GLRA3: variants seen among roughly 807,000 people sequenced by gnomAD.
GLRA3 encodes glycine receptor subunit alpha-3.
A neutral mutation model predicts 60.4 loss-of-function variants in GLRA3; 44 were observed. The observed-to-expected ratio is 0.73, with a 90% CI of 0.57 to 0.94. The LOEUF is 0.94. Among genes scored for constraint, GLRA3 ranks in the 40% least tolerant of loss-of-function variants. The pLI, the probability that GLRA3 is intolerant of heterozygous loss-of-function variation, is 0.00. For synonymous variants in GLRA3, 223 were observed against 192.9 expected (o/e 1.16, Z -1.29); for missense variants, 508 against 564.6 (o/e 0.90, Z 1.02).
intron 2 of GLRA3, among the ~76,000 whole-genome samples, chr4:174,774,362 G>A (rs186506079): frequency 7.0e-4 from 98 of 139,174 alleles, no homozygotes; most frequent in African/African-American, 2.3e-3. Context: ...ATGTGTGTGT[G>A]TATGTGTGTG....
At chr4:174,805,543 C>T (rs1740011607) in intron 1 of GLRA3, among the ~76,000 whole-genome samples, 1 of 152,084 alleles carries the variant, frequency 6.6e-6, no homozygotes, top group African/African-American at 2.4e-5. Flanking sequence ...CTATTTCAGT[C>T]AAGACTTCCT....
intron 7 of GLRA3, among the ~76,000 whole-genome samples, chr4:174,671,613 T>C (rs967389888): frequency 6.7e-6 from 1 of 150,064 alleles, no homozygotes; most frequent in Non-Finnish European, 1.5e-5. Flanking sequence ...GAATGAAAAC[T>C]TAATATAATA....
chr4:174,774,303 T>C (rs1322094088), intron 2 of GLRA3, among the ~76,000 whole-genome samples: 1 of 152,160 alleles, frequency 6.6e-6, no homozygotes, highest in Non-Finnish European at 1.5e-5. Flanking sequence ...TGTGAATTCA[T>C]GGTTTTCAAT....
At chr4:174,731,244 A>G (rs1023950907) in intron 3 of GLRA3, among the ~76,000 whole-genome samples, 1 of 152,176 alleles carries the variant, frequency 6.6e-6, no homozygotes, top group Non-Finnish European at 1.5e-5. Context: ...TTTAAGGCTG[A>G]TTCTTCATAG....
rs1374075281 is a variant in GLRA3, at chr4:174,764,637, A to G, written c.267+2326T>C. Among the ~76,000 whole-genome samples the G allele has an allele frequency of 3.9e-5, 6 of 152,146 alleles. No homozygotes were observed. In the East Asian group the frequency reaches 1.2e-3, roughly 29 times the overall value. ...TAAAAAATACATTAACACATATATT[A>G]GCATTTTTACTGAATTAAAAAAATA... On this transcript the variant is annotated intron_variant, in intron 3 of 9. Transcript: ENST00000274093.
At position 174,780,872 on chromosome 4, in the gene GLRA3, T is replaced by A. The variant is rs537081601; in HGVS notation, c.199+7944A>T. Among the ~76,000 whole-genome samples the A allele has an allele frequency of 2.7e-4, 41 of 152,178 alleles. 1 individual carries two copies. The South Asian group carries it at 5.0e-3, about 19-fold the overall frequency. On this transcript the variant is annotated intron_variant, in intron 2 of 9. Coordinates refer to ENST00000274093, the MANE Select transcript of GLRA3 (RefSeq NM_006529.4). ...ACCCACACAATAATGATGGGAGACT[T>A]TAACACCCCACTGTCAACATTAGAC...
rs373152614 is a variant in GLRA3, at chr4:174,638,106, AT to A, written c.*5679del. Reference sequence around the variant, plus strand: ...TTTAGGAAGTAAAAGTCATTTCTTGATGAAGATTAACATTTTTATCATCTAG... The same window carrying A: ...TTTAGGAAGTAAAAGTCATTTCTTGAGAAGATTAACATTTTTATCATCTAG... On this transcript the variant is annotated 3_prime_UTR_variant, in exon 10 of 10. Coordinates refer to ENST00000274093, the MANE Select transcript of GLRA3 (RefSeq NM_006529.4). 5.9e-5 allele frequency: 9 copies of A among 151,782 alleles called. No homozygotes were observed. In the East Asian group the frequency reaches 1.2e-3, roughly 20 times the overall value. 9.4% of individuals were successfully genotyped at this position (151,782 alleles called of 1,614,324 possible).
At chr4:174,658,106 T>C (rs1733283624) in intron 8 of GLRA3, among the ~76,000 whole-genome samples, 1 of 152,312 alleles carries the variant, frequency 6.6e-6, no homozygotes, top group Non-Finnish European at 1.5e-5. Context: ...TTGAAACCTT[T>C]AAATACTTAA....
rs1444416077 is a variant in GLRA3, at chr4:174,639,481, A to T, written c.*4305T>A. 1 of 151,922 alleles carries T rather than the reference A, an allele frequency of 6.6e-6. No individual in the cohort carries two copies. The highest frequency in any genetic ancestry group is 1.5e-5 in the Non-Finnish European group (1 of 67,968). The allele number at this position is 151,922 out of a possible 1,614,324, so 9.4% of individuals were successfully genotyped here. A position where few individuals can be genotyped will look rare whatever the true frequency, so the allele number is the denominator to read the frequency against. On this transcript the variant is annotated 3_prime_UTR_variant, in exon 10 of 10. Transcript: ENST00000274093. ...AAGATGTAAAATGTAGACCAAAAAA[A>T]CAGGTAAGTGGGTCCTAGCTACTAA...
chr4:174,718,175 C>T lies in GLRA3; in HGVS notation c.492-2605G>A, dbSNP rs115279834. On this transcript the variant is annotated intron_variant, in intron 4 of 9. Coordinates refer to ENST00000274093, the MANE Select transcript of GLRA3 (RefSeq NM_006529.4). ...TTGTTTAAGGTACAATACAATTGCT[C>T]CTTTCACAGCATACTGAAAAATACG... 2.9e-3 allele frequency among the ~76,000 whole-genome samples: 443 copies of T among 152,260 alleles called. 2 individuals carry two copies. Among genetic ancestry groups the T allele is most frequent in the African/African-American group, 9.7e-3 (405 of 41,556 alleles).
At chr4:174,680,828 G>A (rs1472517198) in intron 6 of GLRA3, among the ~76,000 whole-genome samples, 1 of 152,074 alleles carries the variant, frequency 6.6e-6, no homozygotes, top group Non-Finnish European at 1.5e-5. Context: ...TTCATTTTCT[G>A]GGGGGAAAGG....
Position 174,642,453 on chromosome 4 carries a change from TA to T in GLRA3, c.*1332del, listed in dbSNP as rs1361587607. 6 of 977,216 alleles carry T rather than the reference TA, an allele frequency of 6.1e-6. No homozygotes were observed. In the South Asian group the frequency reaches 1.4e-4, roughly 23 times the overall value. 60.5% of individuals were successfully genotyped at this position (977,216 alleles called of 1,614,324 possible). Reference sequence around the variant, plus strand: ...CAAATAAATTTATGGTAAAAATAGTTAAAAAAATAGCAAAACTGAAAAAGAG... The same window carrying T: ...CAAATAAATTTATGGTAAAAATAGTTAAAAAATAGCAAAACTGAAAAAGAG... On this transcript the variant is annotated 3_prime_UTR_variant, in exon 10 of 10. Coordinates refer to ENST00000274093, the MANE Select transcript of GLRA3 (RefSeq NM_006529.4).
chr4:174,799,987 AT>A (rs1474536341), intron 1 of GLRA3, among the ~76,000 whole-genome samples: 9 of 152,200 alleles, frequency 5.9e-5, no homozygotes, highest in African/African-American at 2.2e-4. Flanking sequence ...TAGATAAAAA[AT>A]AAAAAAACTG....
chr4:174,829,037 T>A lies in GLRA3; in HGVS notation c.-226A>T. 2.1e-6 allele frequency: 1 copy of A among 474,474 alleles called. No individual in the cohort carries two copies. Among genetic ancestry groups the A allele is most frequent in the Non-Finnish European group, 3.8e-6 (1 of 264,264 alleles). 29.4% of individuals were successfully genotyped at this position (474,474 alleles called of 1,614,324 possible). A position where few individuals can be genotyped will look rare whatever the true frequency, so the allele number is the denominator to read the frequency against. ...ATAAATGTGCAGGTGATTTTTACAG[T>A]GAAATTACAAAAATGAGTGAGATGA... On this transcript the variant is annotated 5_prime_UTR_variant, in exon 1 of 10. Transcript: ENST00000274093.
chr4:174,806,937 A>G (rs1740075595), intron 1 of GLRA3, among the ~76,000 whole-genome samples: 1 of 152,084 alleles, frequency 6.6e-6, no homozygotes, highest in Admixed American at 6.6e-5. Context: ...AGTCTCTGTA[A>G]CTAAGGAATA....
intron 1 of GLRA3, among the ~76,000 whole-genome samples, chr4:174,827,525 T>C (rs957814110): frequency 1.3e-5 from 2 of 151,830 alleles, no homozygotes; most frequent in Non-Finnish European, 2.9e-5. Context: ...TCCATATACT[T>C]GGCTTTAATT....
intron 6 of GLRA3, among the ~76,000 whole-genome samples, chr4:174,682,428 A>C (rs1426306138): frequency 6.6e-6 from 1 of 152,170 alleles, no homozygotes; most frequent in African/African-American, 2.4e-5. Context: ...TTTTTTAAAA[A>C]ATGCAATTTA....
chr4:174,810,881 AG>A (rs1387086339), intron 1 of GLRA3, among the ~76,000 whole-genome samples: 3 of 152,208 alleles, frequency 2.0e-5, no homozygotes, highest in African/African-American at 7.2e-5. Flanking sequence ...TCCGTGAAAT[AG>A]CAGTTGATTT....
chr4:174,677,357 C>T, intron 6 of GLRA3, 65 bp from the exon 7 acceptor site: 1 of 915,072 alleles, frequency 1.1e-6, no homozygotes, highest in Admixed American at 1.9e-5. Flanking sequence ...CATCAAATAT[C>T]ACAATTTCTC....
Sources: allele counts gnomAD v4.1 joint callset (sites outside exome capture counted in the v4.1 genomes callset), GRCh38; gene constraint gnomAD v4.1.1; transcripts MANE v1.5; gene names NCBI Gene and HGNC (gene_info 2026-07-23, HGNC 2026-07-21).